FANCC: variants seen among roughly 807,000 people sequenced by gnomAD.
FANCC encodes the protein FA complementation group C.
A neutral mutation model predicts 71.3 loss-of-function variants in FANCC; 55 were observed. The observed-to-expected ratio is 0.77, with a 90% CI of 0.62 to 0.97. The LOEUF (loss-of-function observed/expected upper bound fraction) is 0.97. Among genes scored for constraint, FANCC ranks in the 50% least tolerant of loss-of-function variants. The probability of loss-of-function intolerance (pLI) is 0.00; values close to 1 mark genes in which losing one functional copy is unlikely to be tolerated. For synonymous variants in FANCC, 275 were observed against 244.9 expected (o/e 1.12, Z -1.15); for missense variants, 678 against 670.9 (o/e 1.01, Z -0.12).
chr9:95,186,536 A>G (rs1201525025), intron 4 of FANCC: 5 of 152,240 alleles, frequency 3.3e-5, no homozygotes, highest in Admixed American at 3.3e-4. Context: ...TGGGATAAAG[A>G]TAGATATTGG....
chr9:95,257,392 C>T (rs1316943950), intron 1 of FANCC, among the ~76,000 whole-genome samples: 1 of 152,172 alleles, frequency 6.6e-6, no homozygotes, highest in African/African-American at 2.4e-5. Flanking sequence ...CAAAACTGCA[C>T]AACTACATGG....
intron 1 of FANCC, among the ~76,000 whole-genome samples, chr9:95,308,586 G>A (rs1382586848): frequency 2.7e-5 from 4 of 150,436 alleles, no homozygotes; most frequent in African/African-American, 7.3e-5. Context: ...TTGCCCAGCC[G>A]ACCTGCATCC....
chr9:95,308,521 A>C (rs923776646), intron 1 of FANCC, among the ~76,000 whole-genome samples: 1 of 152,004 alleles, frequency 6.6e-6, no homozygotes, highest in African/African-American at 2.4e-5. Context: ...CCTGACCTCA[A>C]GTGATCCACC....
chr9:95,292,662 C>T (rs1564834416), intron 1 of FANCC: 4 of 1,376,730 alleles, frequency 2.9e-6, no homozygotes, highest in African/African-American at 1.4e-5. Context: ...CAAGAGCCAC[C>T]GCATGCAGTA....
rs562077270 is a variant in FANCC, at chr9:95,275,656, TA to T, written c.-78-26288del. 1.2e-3 allele frequency among the ~76,000 whole-genome samples: 186 copies of T among 152,240 alleles called. 1 individual carries two copies. The South Asian group carries it at 0.014, about 12-fold the overall frequency. Reference sequence around the variant, plus strand: ...TTTTGCTGTGAACCTAAAACTGCTCTAAAAAATAGTCTATTAAAATCAACGA... The same window carrying T: ...TTTTGCTGTGAACCTAAAACTGCTCTAAAAATAGTCTATTAAAATCAACGA... On this transcript the variant is annotated intron_variant, in intron 1 of 14. Coordinates refer to ENST00000289081, the MANE Select transcript of FANCC (RefSeq NM_000136.3).
intron 4 of FANCC, among the ~76,000 whole-genome samples, chr9:95,207,685 A>G (rs1828219571): frequency 6.6e-6 from 1 of 152,140 alleles, no homozygotes; most frequent in East Asian, 1.9e-4. Context: ...TCTCATTGAC[A>G]GTGTTACAAC....
intron 4 of FANCC, among the ~76,000 whole-genome samples, chr9:95,198,136 C>T (rs1827575145): frequency 6.6e-6 from 1 of 152,126 alleles, no homozygotes; most frequent in South Asian, 2.1e-4. Context: ...CACGTCATGA[C>T]CCAGCAGCTA....
intron 1 of FANCC, among the ~76,000 whole-genome samples, chr9:95,274,332 T>G (rs1360760480): frequency 6.6e-6 from 1 of 152,214 alleles, no homozygotes; most frequent in Non-Finnish European, 1.5e-5. Context: ...GCTTTATCCA[T>G]GTCCCTGCAA....
chr9:95,300,805 C>T (rs1260702575), intron 1 of FANCC, among the ~76,000 whole-genome samples: 1 of 152,136 alleles, frequency 6.6e-6, no homozygotes, highest in Non-Finnish European at 1.5e-5. Context: ...GAGAGGACCA[C>T]CATCATTTAC....
At chr9:95,173,860 C>A (rs1213035083) in intron 4 of FANCC, among the ~76,000 whole-genome samples, 2 of 152,110 alleles carry the variant, frequency 1.3e-5, no homozygotes, top group African/African-American at 2.4e-5. Context: ...TGAGGCTCTG[C>A]ACTCCAGGCT....
At chr9:95,215,376 G>A (rs766976742) in intron 4 of FANCC, among the ~76,000 whole-genome samples, 2 of 152,136 alleles carry the variant, frequency 1.3e-5, no homozygotes, top group Admixed American at 6.5e-5. Context: ...GAGGGAGATG[G>A]AGAGAGGGAG....
chr9:95,099,448 G>T lies in FANCC; in HGVS notation c.*2259C>A, dbSNP rs1199872135. 1 of 226,260 alleles carries T rather than the reference G, an allele frequency of 4.4e-6. No individual in the cohort carries two copies. The highest frequency in any genetic ancestry group is 2.3e-5 in the African/African-American group (1 of 44,146). The allele number at this position is 226,260 out of a possible 1,614,324, so 14.0% of individuals were successfully genotyped here. ...CTCGGCCACGCCGCGTCCCCGCCCAGCATCTCGGATGCCATTCCTTCCCGG... is the reference window on the plus strand; with the variant it reads ...CTCGGCCACGCCGCGTCCCCGCCCATCATCTCGGATGCCATTCCTTCCCGG... On this transcript the variant is annotated 3_prime_UTR_variant, in exon 15 of 15. Transcript: ENST00000289081.
At position 95,222,571 on chromosome 9, in the gene FANCC, T is replaced by C. The variant is rs2135943919; in HGVS notation, c.345+18078A>G. Among the ~76,000 whole-genome samples the C allele has an allele frequency of 2.6e-5, 4 of 152,328 alleles. No individual in the cohort carries two copies. In the South Asian group the frequency reaches 8.3e-4, roughly 32 times the overall value. ...TGTTTCTTGATTGTGGCGGTGGTTA[T>C]AAAGAGGTATACATGTGTCAAAACT... On this transcript the variant is annotated intron_variant, in intron 4 of 14. Transcript: ENST00000289081.
chr9:95,202,977 T>G (rs1194588031), intron 4 of FANCC, among the ~76,000 whole-genome samples: 1 of 152,192 alleles, frequency 6.6e-6, no homozygotes, highest in African/African-American at 2.4e-5. Context: ...GGGTCCAGAT[T>G]ATGTCAAACT....
intron 10 of FANCC, among the ~76,000 whole-genome samples, chr9:95,124,403 C>T (rs577799875): frequency 1.4e-4 from 21 of 152,298 alleles, no homozygotes; most frequent in African/African-American, 4.6e-4. Flanking sequence ...CCCTGTTTCA[C>T]GAGGTCCCTC....
chr9:95,282,572 T>C (rs933437916), intron 1 of FANCC, among the ~76,000 whole-genome samples: 7 of 152,216 alleles, frequency 4.6e-5, no homozygotes, highest in Admixed American at 2.0e-4. Flanking sequence ...AACTGTACCC[T>C]AGACCAAATG....
intron 4 of FANCC, among the ~76,000 whole-genome samples, chr9:95,199,038 A>G (rs1336431013): frequency 6.6e-6 from 1 of 152,138 alleles, no homozygotes; most frequent in African/African-American, 2.4e-5. Flanking sequence ...AGTTTTCTTT[A>G]TATTGTAGTA....
Position 95,111,500 on chromosome 9 carries a change from C to A in FANCC, c.1292G>T (p.Gly431Val). The A allele has an allele frequency of 6.2e-7, 1 of 1,613,984 alleles. No homozygotes were observed. Among genetic ancestry groups the A allele is most frequent in the Non-Finnish European group, 8.5e-7 (1 of 1,180,030 alleles). Reference protein sequence around the residue: ...ALLWLLAFYYGPRDGRQQRAQ... With the variant: ...ALLWLLAFYYVPRDGRQQRAQ... ...TCTCTGCTGCCTCCCATCACGGGGGCCGTAGTAGAAGGCCAAGAGCCACAG... is the reference window on the plus strand; with the variant it reads ...TCTCTGCTGCCTCCCATCACGGGGGACGTAGTAGAAGGCCAAGAGCCACAG... The change falls in exon 13 of 15, where the codon GGC becomes GTC. Residue 431 changes from glycine (G) to valine (V), a missense_variant. Gly to Val is a moderately radical substitution (Grantham distance 109, BLOSUM62 -3). Transcript: ENST00000289081.
chr9:95,302,854 T>C (rs1366482179), intron 1 of FANCC, among the ~76,000 whole-genome samples: 1 of 152,266 alleles, frequency 6.6e-6, no homozygotes, highest in Non-Finnish European at 1.5e-5. Context: ...ATGAATAGCA[T>C]GATCACTGCA....
Sources: allele counts gnomAD v4.1 joint callset (sites outside exome capture counted in the v4.1 genomes callset), GRCh38; gene constraint gnomAD v4.1.1; transcripts MANE v1.5; gene names NCBI Gene and HGNC (gene_info 2026-07-23, HGNC 2026-07-21).